Variants in SHQ1 observed in about 807,000 individuals in gnomAD.
The protein encoded by SHQ1 is protein SHQ1 homolog.
In SHQ1, 49 loss-of-function variants were observed where a neutral mutation model predicts 53.8. The observed-to-expected ratio is 0.91, with a 90% CI of 0.72 to 1.16. SHQ1 has a LOEUF of 1.16. SHQ1 is among the 50% of genes most tolerant of loss of function. The pLI, the probability that SHQ1 is intolerant of heterozygous loss-of-function variation, is 0.00. For synonymous variants in SHQ1, 243 were observed against 251.0 expected (o/e 0.97, Z 0.30); for missense variants, 738 against 683.1 (o/e 1.08, Z -0.90).
the SHQ1 span, among the ~76,000 whole-genome samples, chr3:72,743,480 C>T: frequency 6.6e-6 from 1 of 152,094 alleles, no homozygotes; most frequent in Non-Finnish European, 1.5e-5. Flanking sequence ...GGACCCCAGA[C>T]CCGGAAGAAG....
chr3:72,755,676 G>GC (rs1310815115), intron 10 of SHQ1, among the ~76,000 whole-genome samples: 1 of 151,988 alleles, frequency 6.6e-6, no homozygotes, highest in African/African-American at 2.4e-5. Context: ...TAGCTGTTTT[G>GC]TTTTTTTCAA....
intron 9 of SHQ1, among the ~76,000 whole-genome samples, chr3:72,797,869 G>A (rs1706675384): frequency 6.6e-6 from 1 of 151,686 alleles, no homozygotes; most frequent in Non-Finnish European, 1.5e-5. Flanking sequence ...ACAGCCAGGA[G>A]ACTCACCAAG....
intron 10 of SHQ1, among the ~76,000 whole-genome samples, chr3:72,760,275 G>A (rs968739021): frequency 3.9e-5 from 6 of 152,166 alleles, no homozygotes; most frequent in African/African-American, 7.2e-5. Flanking sequence ...AAAGATGCTG[G>A]GAAGGAAATG....
intron 5 of SHQ1, among the ~76,000 whole-genome samples, chr3:72,827,134 T>C (rs1425724927): frequency 1.3e-5 from 2 of 151,722 alleles, no homozygotes; most frequent in Non-Finnish European, 1.5e-5. Context: ...CTGAGAATTC[T>C]GGCCTCCACA....
intron 10 of SHQ1, among the ~76,000 whole-genome samples, chr3:72,755,254 GGATGGATGGATAGATGGATA>G (rs1351804320): frequency 4.0e-5 from 6 of 150,314 alleles, no homozygotes; most frequent in African/African-American, 1.5e-4. Flanking sequence ...ATGGATGGAT[GGATGGATGGATAGATGGATA>G]GATGGATGGA....
rs377656675 is a variant in SHQ1, at chr3:72,812,783, G to T, written c.948C>A (p.Asn316Lys). The T allele has an allele frequency of 2.5e-6, 4 of 1,613,808 alleles. No individual in the cohort carries two copies. Among genetic ancestry groups the T allele is most frequent in the African/African-American group, 2.7e-5 (2 of 74,924 alleles). The change falls in exon 9 of 11, where the codon AAC (asparagine) becomes AAA (lysine). Residue 316 changes from asparagine to lysine, a missense_variant. Physicochemically the swap from Asn to Lys is moderately conservative, Grantham distance 94. Transcript: ENST00000325599. ...PTLCWFETWT[N>K]VHDIMVSFGR... ...CAAAAGACACCATGATATCATGAAC[G>T]TTAGTCCAAGTCTGTGAAGTGTCAT... is the stretch of plus-strand genomic sequence containing the variant.
intron 8 of SHQ1, chr3:72,814,633 G>T (rs1018814321): frequency 6.6e-6 from 1 of 152,170 alleles, no homozygotes; most frequent in African/African-American, 2.4e-5. Context: ...TTTAACTGAT[G>T]ATATAATCTC....
the SHQ1 span, among the ~76,000 whole-genome samples, chr3:72,728,161 C>A: frequency 6.6e-6 from 1 of 152,212 alleles, no homozygotes; most frequent in Non-Finnish European, 1.5e-5. Context: ...CCTGGAGTCA[C>A]CTCCCAAACA....
intron 10 of SHQ1, among the ~76,000 whole-genome samples, chr3:72,769,360 A>C (rs1458165374): frequency 6.6e-6 from 1 of 152,160 alleles, no homozygotes; most frequent in Non-Finnish European, 1.5e-5. Flanking sequence ...TGAGAGCCAA[A>C]AGTGACCCAA....
chr3:72,790,805 G>T (rs1470572176), intron 10 of SHQ1, among the ~76,000 whole-genome samples: 1 of 152,174 alleles, frequency 6.6e-6, no homozygotes. Flanking sequence ...TTAGGGAAAA[G>T]AAAGTTATGT....
At chr3:72,747,887 G>A (rs903591971), downstream of SHQ1, among the ~76,000 whole-genome samples, 1 of 152,014 alleles carries the variant, frequency 6.6e-6, no homozygotes, top group Non-Finnish European at 1.5e-5. Flanking sequence ...TGTTCGGGAG[G>A]CTGAGGCAGG....
chr3:72,745,203 C>T (rs1705237415), downstream of SHQ1, among the ~76,000 whole-genome samples: 1 of 151,862 alleles, frequency 6.6e-6, no homozygotes, highest in Non-Finnish European at 1.5e-5. Flanking sequence ...CTCTACTCCT[C>T]CCAATTCTTG....
At chr3:72,805,501 A>T (rs564821336) in intron 9 of SHQ1, among the ~76,000 whole-genome samples, 6 of 152,326 alleles carry the variant, frequency 3.9e-5, no homozygotes, top group Admixed American at 3.9e-4. Context: ...AAATAATCTC[A>T]AAACTGACTT....
At chr3:72,783,201 T>C (rs1167218107) in intron 10 of SHQ1, among the ~76,000 whole-genome samples, 1 of 152,146 alleles carries the variant, frequency 6.6e-6, no homozygotes, top group Admixed American at 6.5e-5. Context: ...TAAAATGGGC[T>C]TGATATACAT....
intron 10 of SHQ1, among the ~76,000 whole-genome samples, chr3:72,769,033 C>T (rs1020522639): frequency 2.6e-5 from 4 of 152,122 alleles, no homozygotes; most frequent in African/African-American, 7.2e-5. Flanking sequence ...TGCAGTTTGG[C>T]AGGAAAAAAG....
At chr3:72,796,413 A>G (rs1159088911) in intron 9 of SHQ1, among the ~76,000 whole-genome samples, 4 of 152,212 alleles carry the variant, frequency 2.6e-5, no homozygotes, top group Non-Finnish European at 5.9e-5. Context: ...AAAATTATAC[A>G]CAGCTTCACT....
chr3:72,825,801 A>C lies in SHQ1; in HGVS notation c.600-1250T>G, dbSNP rs1707634380. Among the ~76,000 whole-genome samples the C allele has an allele frequency of 2.6e-5, 4 of 152,218 alleles. No homozygotes were observed. The South Asian group carries it at 8.3e-4, about 32-fold the overall frequency. ...CCTTATAGTTGTAAACTATAATCTTATATCAGTTTCTAACTGATAGTTTTC... is the reference window on the plus strand; with the variant it reads ...CCTTATAGTTGTAAACTATAATCTTCTATCAGTTTCTAACTGATAGTTTTC... On this transcript the variant is annotated intron_variant, in intron 5 of 10. Transcript: ENST00000325599.
chr3:72,814,219 T>C (rs1707232694), intron 8 of SHQ1, among the ~76,000 whole-genome samples: 1 of 152,216 alleles, frequency 6.6e-6, no homozygotes, highest in Admixed American at 6.5e-5. Flanking sequence ...TTTTAATAAC[T>C]ATACTACAAA....
At chr3:72,735,704 G>C in the SHQ1 span, among the ~76,000 whole-genome samples, 7 of 146,322 alleles carry the variant, frequency 4.8e-5, no homozygotes, top group Non-Finnish European at 1.0e-4. Flanking sequence ...GCTAAAGAGA[G>C]AGAGAGAGGA....
Sources: allele counts gnomAD v4.1 joint callset (sites outside exome capture counted in the v4.1 genomes callset), GRCh38; gene constraint gnomAD v4.1.1; transcripts MANE v1.5; gene names NCBI Gene and HGNC (gene_info 2026-07-23, HGNC 2026-07-21).